DENND4C: variants seen among roughly 807,000 people sequenced by gnomAD.
The protein encoded by DENND4C is DENN domain containing 4C.
Under a neutral mutation model 203.0 loss-of-function variants are expected in DENND4C, and 108 were observed. The ratio of observed to expected loss-of-function variants is 0.53; its 90% CI spans 0.46 to 0.62. DENND4C has a LOEUF of 0.62. Among genes scored for constraint, DENND4C ranks in the 20% least tolerant of loss-of-function variants. The pLI, the probability that DENND4C is intolerant of heterozygous loss-of-function variation, is 0.00. For missense variants in DENND4C, 2,481 were observed against 2,301.2 expected, an observed-to-expected ratio of 1.08 and a Z score of -1.60; for synonymous variants, 871 against 792.4, an observed-to-expected ratio of 1.10 and a Z score of -1.67.
chr9:19,351,168 C>G (rs1372292586), intron 24 of DENND4C, among the ~76,000 whole-genome samples: 1 of 152,114 alleles, frequency 6.6e-6, no homozygotes, highest in Non-Finnish European at 1.5e-5. Flanking sequence ...ATGATCTATT[C>G]TGATCTTGTA....
intron 2 of DENND4C, among the ~76,000 whole-genome samples, chr9:19,283,807 C>G (rs754942932): frequency 3.3e-5 from 5 of 151,700 alleles, no homozygotes; most frequent in African/African-American, 9.7e-5. Context: ...GTTGGTCAGG[C>G]TGGTTGCGAA....
chr9:19,357,180 T>C (rs1825612325), intron 27 of DENND4C, 26 bp downstream of exon 27: 2 of 1,611,118 alleles, frequency 1.2e-6, no homozygotes, highest in South Asian at 1.1e-5. Context: ...GAGACCTCTT[T>C]ATGTAGTAAT....
intron 1 of DENND4C, among the ~76,000 whole-genome samples, chr9:19,241,830 C>T (rs1366158457): frequency 6.6e-6 from 1 of 151,446 alleles, no homozygotes; most frequent in African/African-American, 2.4e-5. Flanking sequence ...CCAGCCTGGG[C>T]AACACAGTAA....
chr9:19,256,660 CTG>C (rs1482960109), intron 1 of DENND4C, among the ~76,000 whole-genome samples: 4 of 151,930 alleles, frequency 2.6e-5, no homozygotes, highest in Non-Finnish European at 4.4e-5. Flanking sequence ...AAAATTAAAT[CTG>C]TGTCTTTTTT....
intron 22 of DENND4C, 125 bp downstream of exon 22, chr9:19,342,904 T>C (rs1029080633): frequency 1.4e-5 from 10 of 727,248 alleles, no homozygotes; most frequent in Middle Eastern, 4.2e-4. Context: ...GAAGGGACTT[T>C]TGAATTCTCT....
At chr9:19,248,429 G>A (rs1825775251) in intron 1 of DENND4C, among the ~76,000 whole-genome samples, 1 of 151,678 alleles carries the variant, frequency 6.6e-6, no homozygotes, top group African/African-American at 2.4e-5. Flanking sequence ...TACTCTTGTT[G>A]CCCAGGCTGG....
At chr9:19,351,411 A>G (rs892079337) in intron 24 of DENND4C, among the ~76,000 whole-genome samples, 34 of 152,344 alleles carry the variant, frequency 2.2e-4, no homozygotes, top group African/African-American at 8.2e-4. Flanking sequence ...GATGTATACC[A>G]GAGTTGGAGA....
intron 10 of DENND4C, among the ~76,000 whole-genome samples, chr9:19,312,926 A>G (rs1841032675): frequency 6.6e-6 from 1 of 152,202 alleles, no homozygotes; most frequent in Non-Finnish European, 1.5e-5. Flanking sequence ...TATTCTGTGC[A>G]TAGTATATAA....
rs1838278164 is a variant in DENND4C, at chr9:19,300,196, C to G, written c.1176C>G (p.Asn392Lys). ...VSTPLPLSGA[N>K]FSTLLMNLGP... Reference sequence around the variant, plus strand: ...TCTTTTTTTTCCCTAGTGGAGCCAACTTTAGCACCTTGCTAATGAATCTGG... The same window carrying G: ...TCTTTTTTTTCCCTAGTGGAGCCAAGTTTAGCACCTTGCTAATGAATCTGG... The change falls in exon 9 of 33, where the codon AAC (asparagine) becomes AAG (lysine). Residue 392 changes from asparagine (N) to lysine (K), a missense_variant. Physicochemically the swap from Asn to Lys is moderately conservative, Grantham distance 94. This residue lies in a region of DENND4C where 2,289 missense variants were observed against 2,113.3 expected (regional missense o/e 1.08). Coordinates refer to ENST00000434457, the MANE Select transcript of DENND4C (RefSeq NM_001330640.2). The G allele has an allele frequency of 6.2e-7, 1 of 1,607,282 alleles. No individual in the cohort carries two copies. The highest frequency in any genetic ancestry group is 1.3e-5 in the African/African-American group (1 of 74,820).
intron 2 of DENND4C, among the ~76,000 whole-genome samples, chr9:19,283,126 A>C (rs1302174206): frequency 1.3e-5 from 2 of 151,880 alleles, no homozygotes; most frequent in Non-Finnish European, 2.9e-5. Flanking sequence ...TGGCCCCTTA[A>C]AGTGCTGGGA....
At chr9:19,369,561 G>C (rs569901879) in intron 30 of DENND4C, among the ~76,000 whole-genome samples, 2 of 152,194 alleles carry the variant, frequency 1.3e-5, no homozygotes, top group South Asian at 4.1e-4. Flanking sequence ...GAGCCCAGGA[G>C]TTTGAGACCA....
At chr9:19,352,204 C>G in intron 25 of DENND4C, 22 bp downstream of exon 25, 5 of 1,586,910 alleles carry the variant, frequency 3.2e-6, no homozygotes, top group Non-Finnish European at 4.3e-6. Flanking sequence ...ATATTCAGTT[C>G]ATGATAAAGT....
intron 1 of DENND4C, among the ~76,000 whole-genome samples, chr9:19,267,565 C>G (rs1208732012): frequency 6.6e-6 from 1 of 151,936 alleles, no homozygotes; most frequent in African/African-American, 2.4e-5. Flanking sequence ...GAGACCGGTT[C>G]TCACTTTATC....
chr9:19,315,502 T>C (rs1252644042), intron 10 of DENND4C, among the ~76,000 whole-genome samples: 1 of 151,086 alleles, frequency 6.6e-6, no homozygotes, highest in Non-Finnish European at 1.5e-5. Context: ...TATATATATA[T>C]ATACATGTAT....
chr9:19,238,467 CCTCT>C lies in DENND4C; in HGVS notation c.-18+7636_-18+7639del, dbSNP rs1473108086. On this transcript the variant is annotated intron_variant, in intron 1 of 32. Transcript: ENST00000434457. ...TCTTTCCTTCCCCTCCCCTCCCCTC[CCTCT>C]CCCCTCCCCTCCCCCTTCTCCTCCC... Among the ~76,000 whole-genome samples the C allele has an allele frequency of 7.4e-4, 35 of 47,078 alleles. 1 individual carries two copies. The highest frequency in any genetic ancestry group is 1.5e-3 in the African/African-American group (16 of 10,450). The allele number at this position is 47,078 out of a possible 152,430, so 30.9% of individuals were successfully genotyped here.
intron 20 of DENND4C, 21 bp downstream of exon 20, chr9:19,336,853 C>G (rs1381401280): frequency 1.9e-6 from 3 of 1,541,670 alleles, no homozygotes; most frequent in African/African-American, 2.7e-5. Flanking sequence ...CCAGATTTTA[C>G]TAACCCTTCA....
chr9:19,260,068 G>C (rs1828977518), intron 1 of DENND4C, among the ~76,000 whole-genome samples: 1 of 152,116 alleles, frequency 6.6e-6, no homozygotes, highest in African/African-American at 2.4e-5. Flanking sequence ...ATACTAGTTT[G>C]TGTTCCCACT....
intron 1 of DENND4C, among the ~76,000 whole-genome samples, chr9:19,232,320 G>C (rs1471486509): frequency 1.3e-5 from 2 of 151,814 alleles, no homozygotes; most frequent in Non-Finnish European, 2.9e-5. Flanking sequence ...ACTTTCCTCC[G>C]CATTGGTATC....
intron 12 of DENND4C, among the ~76,000 whole-genome samples, chr9:19,321,032 C>A (rs1001519423): frequency 2.0e-5 from 3 of 152,200 alleles, no homozygotes; most frequent in Admixed American, 2.0e-4. Context: ...TATGCAGGAT[C>A]TTTTAGGATT....
Sources: gnomAD v4.1 joint callset for allele counts (sites outside exome capture counted in the v4.1 genomes callset) on GRCh38, gnomAD v4.1.1 for gene constraint, gnomAD v4.1.1 regional missense constraint, MANE v1.5 for transcripts, NCBI Gene and HGNC (gene_info 2026-07-23, HGNC 2026-07-21) for gene names.